PCIF1: variants seen among roughly 807,000 people sequenced by gnomAD.
The protein encoded by PCIF1 is mRNA (2'-O-methyladenosine-N(6)-)-methyltransferase.
Under a neutral mutation model 86.9 loss-of-function variants are expected in PCIF1, and 12 were observed. That is an observed-to-expected ratio of 0.14 (90% CI 0.09 to 0.22). The LOEUF (loss-of-function observed/expected upper bound fraction) is 0.22. Among genes scored for constraint, PCIF1 ranks in the 10% least tolerant of loss-of-function variants. PCIF1 has a pLI of 1.00. For missense variants in PCIF1, 701 were observed against 951.1 expected (o/e 0.74, Z 3.46); for synonymous variants, 397 against 372.0 (o/e 1.07, Z -0.77).
chr20:45,944,753 CAG>C (rs1568795641), intron 10 of PCIF1, 113 bp from the exon 11 acceptor site: 1 of 1,124,196 alleles, frequency 8.9e-7, no homozygotes. Context: ...TAGTCAGCAG[CAG>C]AGCTGGTTTC....
At chr20:45,935,721 C>T (rs575461423) in intron 1 of PCIF1, among the ~76,000 whole-genome samples, 71 of 152,098 alleles carry the variant, frequency 4.7e-4, no homozygotes, top group South Asian at 1.9e-3. Context: ...TCCTGTCTCC[C>T]AGTCACTCTT....
chr20:45,939,007 A>C lies in PCIF1; in HGVS notation c.8A>C (p.Asn3Thr). The change falls in exon 3 of 17, where the codon AAT becomes ACT. Residue 3 changes from asparagine to threonine, a missense_variant. Asn to Thr is a moderately conservative substitution (Grantham distance 65, BLOSUM62 0). Coordinates refer to ENST00000372409, the MANE Select transcript of PCIF1 (RefSeq NM_022104.4). MA[N>T]ENHGSPREEA... is the part of the protein sequence containing the mutation. ...TCCTGTGTGGGTGTGGAGATGGCCA[A>C]TGAGAATCACGGCAGCCCCCGGGAG... 2 of 1,613,944 alleles carry C rather than the reference A, an allele frequency of 1.2e-6. No homozygotes were observed. The highest frequency in any genetic ancestry group is 1.7e-6 in the Non-Finnish European group (2 of 1,179,960).
In PCIF1 at chr20:45,946,472, C is replaced by G. The variant is rs373269255; in HGVS notation, c.1613+88C>G. 41 of 1,485,948 alleles carry G rather than the reference C, an allele frequency of 2.8e-5. No individual in the cohort carries two copies. In the African/African-American group the frequency reaches 4.7e-4, roughly 17 times the overall value. 92.0% of individuals were successfully genotyped at this position (1,485,948 alleles called of 1,614,324 possible). On this transcript the variant is annotated intron_variant, in intron 14 of 16. Coordinates refer to ENST00000372409, the MANE Select transcript of PCIF1 (RefSeq NM_022104.4). Reference sequence around the variant, plus strand: ...CGCCTCTGCTGGCTGTAGTGTCAGGCAGGCTTGGGTGGAGTCCCTGCCTCC... The same window carrying G: ...CGCCTCTGCTGGCTGTAGTGTCAGGGAGGCTTGGGTGGAGTCCCTGCCTCC...
chr20:45,946,322 C>T lies in PCIF1; in HGVS notation c.1551C>T (p.Asn517=). Residue 517 remains asparagine, a synonymous_variant, in exon 14 of 17, where the codon AAC becomes AAT. Coordinates refer to ENST00000372409, the MANE Select transcript of PCIF1 (RefSeq NM_022104.4). ...TCGAGTGCTTCGCCTCACCCCTCAA[C>T]TGCTACTTCCGCCAGTACTGTTCTG... ...VSFECFASPL[N]CYFRQYCSAF... is the part of the protein sequence containing the mutation. 1 of 1,614,158 alleles carries T rather than the reference C, an allele frequency of 6.2e-7. No individual in the cohort carries two copies. Among genetic ancestry groups the T allele is most frequent in the Non-Finnish European group, 8.5e-7 (1 of 1,180,046 alleles).
chr20:45,942,975 G>T (rs756351993), intron 7 of PCIF1, 122 bp from the exon 8 acceptor site: 22 of 1,032,190 alleles, frequency 2.1e-5, no homozygotes, highest in Non-Finnish European at 3.1e-5. Flanking sequence ...ATGCAGCCTA[G>T]AAGCTTCTGA....
chr20:45,945,494 G>A (rs1168035660), intron 11 of PCIF1, among the ~76,000 whole-genome samples: 3 of 152,220 alleles, frequency 2.0e-5, no homozygotes, highest in East Asian at 1.9e-4. Flanking sequence ...GCCCTGCTTC[G>A]GTACTGAGTG....
At position 45,947,474 on chromosome 20, in the gene PCIF1, C is replaced by T; in HGVS notation, c.1883+36C>T. 1.2e-6 allele frequency: 2 copies of T among 1,613,152 alleles called. No homozygotes were observed. The highest frequency in any genetic ancestry group is 1.7e-6 in the Non-Finnish European group (2 of 1,179,880). On this transcript the variant is annotated intron_variant, in intron 16 of 16. Coordinates refer to ENST00000372409, the MANE Select transcript of PCIF1 (RefSeq NM_022104.4). The surrounding 1 kb of genome is among the most constrained non-coding windows in gnomAD (Gnocchi z 5.4). ...GGGAGGGCAGGGGAAGGAGGCTGGG[C>T]TGGCCAGGCCAGGCCCAGCCCCACC...
At position 45,947,415 on chromosome 20, in the gene PCIF1, T is replaced by C. The variant is rs761653920; in HGVS notation, c.1860T>C (p.Ser620=). 3 of 1,613,802 alleles carry C rather than the reference T, an allele frequency of 1.9e-6. No individual in the cohort carries two copies. The highest frequency in any genetic ancestry group is 2.7e-5 in the African/African-American group (2 of 74,928). The change falls in exon 16 of 17, where the codon AGT becomes AGC. Residue 620 remains serine (S), a synonymous_variant. Transcript: ENST00000372409. The surrounding 1 kb of genome is among the most constrained non-coding windows in gnomAD (Gnocchi z 5.4). Reference sequence around the variant, plus strand: ...CTGCCTTTGAGCATGAGTACCGCAGTGGCTCCCAGCACATCTGCAAGAAGT... The same window carrying C: ...CTGCCTTTGAGCATGAGTACCGCAGCGGCTCCCAGCACATCTGCAAGAAGT... ...ILPAFEHEYR[S]GSQHICKKEE...
At chr20:45,936,158 C>G (rs576403415) in intron 1 of PCIF1, among the ~76,000 whole-genome samples, 1 of 152,036 alleles carries the variant, frequency 6.6e-6, no homozygotes, top group African/African-American at 2.4e-5. Context: ...TCTAAGGGTA[C>G]TTTATTTTAT....
chr20:45,940,142 T>TCTTG (rs2083457354), intron 4 of PCIF1, among the ~76,000 whole-genome samples: 1 of 152,230 alleles, frequency 6.6e-6, no homozygotes, highest in African/African-American at 2.4e-5. Context: ...TTCATTCTGT[T>TCTTG]CTTGAGGAAA....
intron 7 of PCIF1, 39 bp downstream of exon 7, chr20:45,941,246 C>G: frequency 6.4e-7 from 1 of 1,553,192 alleles, no homozygotes; most frequent in Non-Finnish European, 8.7e-7. Flanking sequence ...TATTTCCACC[C>G]ACCTTTAGCA....
Position 45,947,458 on chromosome 20 carries a change from G to A in PCIF1, c.1883+20G>A. Reference sequence around the variant, plus strand: ...CAAGAAGTGGGTGCCAGGGAGGGCAGGGGAAGGAGGCTGGGCTGGCCAGGC... The same window carrying A: ...CAAGAAGTGGGTGCCAGGGAGGGCAAGGGAAGGAGGCTGGGCTGGCCAGGC... On this transcript the variant is annotated intron_variant, in intron 16 of 16. Transcript: ENST00000372409. The surrounding 1 kb of genome is among the most constrained non-coding windows in gnomAD (Gnocchi z 5.4). The A allele has an allele frequency of 6.2e-7, 1 of 1,613,580 alleles. No individual in the cohort carries two copies. Among genetic ancestry groups the A allele is most frequent in the Non-Finnish European group, 8.5e-7 (1 of 1,179,950 alleles).
intron 14 of PCIF1, 96 bp downstream of exon 14, chr20:45,946,480 GGT>G: frequency 7.0e-7 from 1 of 1,419,676 alleles, no homozygotes; most frequent in African/African-American, 1.4e-5. Flanking sequence ...GGCAGGCTTG[GGT>G]GGAGTCCCTG....
In PCIF1 at chr20:45,939,027, C is replaced by T. The variant is rs530025799; in HGVS notation, c.28C>T (p.Arg10Trp). ...GGCCAATGAGAATCACGGCAGCCCC[C>T]GGGAGGAAGCGTCCCTGCTGAGTCA... MANENHGSP[R>W]EEASLLSHSP... The change falls in exon 3 of 17, where the codon CGG (arginine) becomes TGG (tryptophan). Residue 10 changes from arginine (R) to tryptophan (W), a missense_variant. Around this residue, in one of 7 missense-constraint regions of PCIF1, gnomAD observed 60 missense variants for 58.6 expected, o/e 1.02. Transcript: ENST00000372409. The T allele has an allele frequency of 1.7e-5, 28 of 1,613,984 alleles. No individual in the cohort carries two copies. Among genetic ancestry groups the T allele is most frequent in the Admixed American group, 1.3e-4 (8 of 60,004 alleles).
Position 45,934,796 on chromosome 20 carries a change from T to C in PCIF1, c.-196T>C. 2.5e-6 allele frequency: 1 copy of C among 398,040 alleles called. No individual in the cohort carries two copies. Among genetic ancestry groups the C allele is most frequent in the Non-Finnish European group, 4.4e-6 (1 of 225,716 alleles). 24.7% of individuals were successfully genotyped at this position (398,040 alleles called of 1,614,324 possible). A position where few individuals can be genotyped will look rare whatever the true frequency, so the allele number is the denominator to read the frequency against. ...TGTAGCCGCGTCCCCTCCAGTCCGC[T>C]CCGGGCAGGTAAGAGTCCCAGGAAG... On this transcript the variant is annotated 5_prime_UTR_variant, in exon 1 of 17. Coordinates refer to ENST00000372409, the MANE Select transcript of PCIF1 (RefSeq NM_022104.4).
intron 4 of PCIF1, among the ~76,000 whole-genome samples, chr20:45,939,946 C>G (rs1270496884): frequency 6.6e-6 from 1 of 152,082 alleles, no homozygotes; most frequent in Non-Finnish European, 1.5e-5. Context: ...CACTGAGGTT[C>G]AAAGATGGGG....
Position 45,941,046 on chromosome 20 carries a change from C to T in PCIF1, c.519-7C>T. 1.9e-6 allele frequency: 3 copies of T among 1,614,184 alleles called. No homozygotes were observed. The highest frequency in any genetic ancestry group is 2.5e-6 in the Non-Finnish European group (3 of 1,180,032). On this transcript the variant is annotated splice_polypyrimidine_tract_variant and splice_region_variant and intron_variant, in intron 6 of 16. Transcript: ENST00000372409. ...GACATCCTCATCACTCCTCTCTGTGCCCCAAGGGTCTACTGGGACCTGGAC... is the reference window on the plus strand; with the variant it reads ...GACATCCTCATCACTCCTCTCTGTGTCCCAAGGGTCTACTGGGACCTGGAC...
chr20:45,946,055 T>C lies in PCIF1; in HGVS notation c.1368T>C (p.Ile456=), dbSNP rs753367623. The C allele has an allele frequency of 1.5e-5, 24 of 1,614,162 alleles. No homozygotes were observed. Among genetic ancestry groups the C allele is most frequent in the Non-Finnish European group, 2.0e-5 (24 of 1,180,016 alleles). Residue 456 remains isoleucine (I), a synonymous_variant, in exon 13 of 17, where the codon ATT becomes ATC. Transcript: ENST00000372409. ...GGCTCCTTTACCGCTACAGCTGCAT[T>C]GATGACTCTGCCTTTGAGAGGTTCC... ...KLWLLYRYSC[I]DDSAFERFLP...
chr20:45,938,914 C>T, intron 2 of PCIF1, 67 bp from the exon 3 acceptor site: 2 of 1,580,392 alleles, frequency 1.3e-6, no homozygotes, highest in Non-Finnish European at 1.7e-6. Flanking sequence ...GTCACTGGGG[C>T]CCTGGGTGGA....
Sources: gnomAD v4.1 joint callset for allele counts (sites outside exome capture counted in the v4.1 genomes callset) on GRCh38, gnomAD v4.1.1 for gene constraint, gnomAD v4.1.1 regional missense constraint, Gnocchi (gnomAD v3.1) non-coding constraint, MANE v1.5 for transcripts, NCBI Gene and HGNC (gene_info 2026-07-23, HGNC 2026-07-21) for gene names.